Variants in TECPR2 observed in about 807,000 individuals in gnomAD.
The protein encoded by TECPR2 is tectonin beta-propeller repeat containing 2, also known as tectonin beta-propeller repeat-containing protein 2.
A neutral mutation model predicts 138.1 loss-of-function variants in TECPR2; 65 were observed. The observed-to-expected ratio is 0.47, with a 90% CI of 0.39 to 0.58. The LOEUF is 0.58. Among genes scored for constraint, TECPR2 ranks in the 20% least tolerant of loss-of-function variants. The pLI is 0.00. For missense variants in TECPR2, 1,553 were observed against 1,824.5 expected (o/e 0.85, Z 2.71); for synonymous variants, 746 against 749.8 (o/e 0.99, Z 0.08).
intron 4 of TECPR2, among the ~76,000 whole-genome samples, chr14:102,411,717 AAAAAAAAAAAAAAAG>A (rs1334257946): frequency 4.4e-5 from 6 of 137,682 alleles, no homozygotes; most frequent in Non-Finnish European, 9.5e-5. Context: ...AAAAAAAAAA[AAAAAAAAAAAAAAAG>A]AAGATGGCTG....
chr14:102,371,678 T>C lies in TECPR2; in HGVS notation c.-72-4972T>C, dbSNP rs574941503. ...AGTTTGGCAATACATTTTTTTTTAATTCAACATTTCCACCTCTTGCAGTGT... is the reference window on the plus strand; with the variant it reads ...AGTTTGGCAATACATTTTTTTTTAACTCAACATTTCCACCTCTTGCAGTGT... On this transcript the variant is annotated intron_variant, in intron 1 of 19. Transcript: ENST00000359520. 3.4e-4 allele frequency among the ~76,000 whole-genome samples: 52 copies of C among 152,352 alleles called. 1 individual carries two copies. The highest frequency in any genetic ancestry group is 1.2e-3 in the African/African-American group (49 of 41,578).
rs1889611132 is a variant in TECPR2, at chr14:102,434,759, C to G, written c.1942C>G (p.Leu648Val). The change falls in exon 9 of 20, where the codon CTC becomes GTC. Residue 648 changes from leucine (L) to valine (V), a missense_variant. Physicochemically the swap from Leu to Val is conservative, Grantham distance 32. Transcript: ENST00000359520. ...TTGTGAAGTCCCCCTCCTGAACTCA[C>G]TCACTGTGCCTTCCAGCCTCAGCTG... ...TFCEVPLLNS[L>V]TVPSSLSWAP... 1 of 1,613,496 alleles carries G rather than the reference C, an allele frequency of 6.2e-7. No individual in the cohort carries two copies. Among genetic ancestry groups the G allele is most frequent in the Admixed American group, 1.7e-5 (1 of 60,028 alleles).
chr14:102,456,512 A>T (rs1890279096), intron 16 of TECPR2, among the ~76,000 whole-genome samples: 1 of 151,366 alleles, frequency 6.6e-6, no homozygotes, highest in South Asian at 2.1e-4. Context: ...CTATCCCCTC[A>T]ACGAGTATCT....
At chr14:102,424,510 T>C (rs1217701484) in intron 5 of TECPR2, among the ~76,000 whole-genome samples, 1 of 152,192 alleles carries the variant, frequency 6.6e-6, no homozygotes, top group East Asian at 1.9e-4. Context: ...AATTTTTGTA[T>C]TTTTAGTAGA....
intron 17 of TECPR2, among the ~76,000 whole-genome samples, chr14:102,473,045 C>T (rs894730199): frequency 6.6e-6 from 1 of 152,242 alleles, no homozygotes; most frequent in Non-Finnish European, 1.5e-5. Flanking sequence ...TGCGTCTTTC[C>T]CCATTTGACA....
intron 2 of TECPR2, among the ~76,000 whole-genome samples, chr14:102,385,819 C>T (rs1452541318): frequency 6.6e-6 from 1 of 151,780 alleles, no homozygotes; most frequent in Non-Finnish European, 1.5e-5. Flanking sequence ...ACCTGTAGTC[C>T]CAGCTACTCA....
rs1045920735 is a variant in TECPR2, at chr14:102,452,566, G to T, written c.3579G>T (p.Arg1193Ser). ...ALDSLGQVFI[R>S]TLSKSCPTGM... ...ACAGCCTCGGCCAGGTGTTCATCAG[G>T]ACGCTCTCCAAGAGCTGCCCCACGG... is the stretch of plus-strand genomic sequence containing the variant. The change falls in exon 16 of 20, where the codon AGG becomes AGT. Residue 1193 changes from arginine to serine, a missense_variant. Arg to Ser is a moderately radical substitution (Grantham distance 110). Transcript: ENST00000359520. The T allele has an allele frequency of 6.2e-7, 1 of 1,610,182 alleles. No homozygotes were observed. Among genetic ancestry groups the T allele is most frequent in the Non-Finnish European group, 8.5e-7 (1 of 1,178,788 alleles).
At chr14:102,411,867 G>T (rs1421483211) in intron 4 of TECPR2, among the ~76,000 whole-genome samples, 1 of 152,034 alleles carries the variant, frequency 6.6e-6, no homozygotes, top group Admixed American at 6.6e-5. Flanking sequence ...GATAGTTGTG[G>T]ACATTCTTTA....
chr14:102,495,195 C>CAG (rs10631464), intron 17 of TECPR2, among the ~76,000 whole-genome samples: 107,199 of 151,682 alleles, frequency 0.71, 38,635 homozygotes, highest in African/African-American at 0.85. Context: ...GCCTGGGTGA[C>CAG]AGCGAGACCC....
chr14:102,387,506 C>G (rs759349610), intron 2 of TECPR2, among the ~76,000 whole-genome samples: 22 of 151,004 alleles, frequency 1.5e-4, no homozygotes, highest in Admixed American at 9.2e-4. Context: ...AATGAGATTT[C>G]ATGGATTTGC....
At chr14:102,486,099 C>G (rs1042722801) in intron 17 of TECPR2, among the ~76,000 whole-genome samples, 2 of 152,264 alleles carry the variant, frequency 1.3e-5, no homozygotes, top group African/African-American at 4.8e-5. Flanking sequence ...CAGCTTCTTG[C>G]TGGATTCTGA....
In TECPR2 at chr14:102,432,019, C is replaced by A. The variant is rs1357322447; in HGVS notation, c.1308C>A (p.Gly436=). 1.9e-6 allele frequency: 3 copies of A among 1,612,814 alleles called. No homozygotes were observed. The highest frequency in any genetic ancestry group is 2.5e-6 in the Non-Finnish European group (3 of 1,179,966). Residue 436 remains glycine (G), a synonymous_variant, in exon 8 of 20, where the codon GGC becomes GGA. Transcript: ENST00000359520. Reference sequence around the variant, plus strand: ...AGGCCACCCCTGAGCTGGGCAAGGGCAGCCAGCCCCTGTCACAGAGATTCA... The same window carrying A: ...AGGCCACCCCTGAGCTGGGCAAGGGAAGCCAGCCCCTGTCACAGAGATTCA... ...GLQATPELGK[G]SQPLSQRFNA... is the part of the protein sequence containing the mutation.
chr14:102,479,031 A>G (rs1203909401), intron 17 of TECPR2, among the ~76,000 whole-genome samples: 1 of 151,916 alleles, frequency 6.6e-6, no homozygotes, highest in Non-Finnish European at 1.5e-5. Flanking sequence ...AAAAAAAAAA[A>G]AAGGAAAAAA....
At chr14:102,454,031 C>A (rs1224017166) in intron 16 of TECPR2, among the ~76,000 whole-genome samples, 1 of 152,016 alleles carries the variant, frequency 6.6e-6, no homozygotes. Context: ...TGCCTGTAAT[C>A]CCAGCTACTT....
chr14:102,452,603 A>G lies in TECPR2; in HGVS notation c.3616A>G (p.Thr1206Ala), dbSNP rs1175530442. The G allele has an allele frequency of 6.3e-7, 1 of 1,599,810 alleles. No individual in the cohort carries two copies. ...GAGCTGCCCCACGGGCATGCACTGG[A>G]CCAGGCTGGACCTCTCCCAGCTAGG... is the stretch of plus-strand genomic sequence containing the variant. The part of the protein sequence containing the change: ...SKSCPTGMHW[T>A]RLDLSQLGAV... Residue 1206 changes from threonine to alanine, a missense_variant, in exon 16 of 20, where the codon ACC becomes GCC. Thr to Ala is a moderately conservative substitution (Grantham distance 58). Transcript: ENST00000359520.
intron 2 of TECPR2, among the ~76,000 whole-genome samples, chr14:102,379,551 A>C (rs1219895974): frequency 4.2e-4 from 58 of 137,092 alleles, no homozygotes; most frequent in Middle Eastern, 9.3e-3. Flanking sequence ...TGAAGATCAC[A>C]ATCTTAAAAT....
At chr14:102,464,978 T>C (rs1252445138) in intron 16 of TECPR2, among the ~76,000 whole-genome samples, 163 bp from the exon 17 acceptor site, 1 of 152,240 alleles carries the variant, frequency 6.6e-6, no homozygotes, top group Non-Finnish European at 1.5e-5. Context: ...ACACAGCCGA[T>C]GTGGATGGAC....
chr14:102,497,044 C>T lies in TECPR2; in HGVS notation c.3855C>T (p.Asp1285=). 1.2e-6 allele frequency: 2 copies of T among 1,614,000 alleles called. No homozygotes were observed. Among genetic ancestry groups the T allele is most frequent in the South Asian group, 2.2e-5 (2 of 91,088 alleles). ...ACGACCAGATGCTGTGGGTGCTTGACAGCAGGTGGAACGTGCACGTGCGGA... is the reference window on the plus strand; with the variant it reads ...ACGACCAGATGCTGTGGGTGCTTGATAGCAGGTGGAACGTGCACGTGCGGA... ...SPNDQMLWVL[D]SRWNVHVRTG... The change falls in exon 18 of 20, where the codon GAC becomes GAT. Residue 1285 remains aspartate, a synonymous_variant. Coordinates refer to ENST00000359520, the MANE Select transcript of TECPR2 (RefSeq NM_014844.5).
chr14:102,472,134 G>A (rs1719237072), intron 17 of TECPR2, among the ~76,000 whole-genome samples: 1 of 152,200 alleles, frequency 6.6e-6, no homozygotes, highest in African/African-American at 2.4e-5. Context: ...CAAGCCAGAG[G>A]CCAGGATGCT....
Sources: allele counts gnomAD v4.1 joint callset (sites outside exome capture counted in the v4.1 genomes callset), GRCh38; gene constraint gnomAD v4.1.1; transcripts MANE v1.5; gene names NCBI Gene and HGNC (gene_info 2026-07-23, HGNC 2026-07-21).